ANKFN1: variants seen among roughly 807,000 people sequenced by gnomAD.
ANKFN1 encodes the protein ankyrin repeat and fibronectin type III domain containing 1, also known as ankyrin repeat and fibronectin type-III domain-containing protein 1.
A neutral mutation model predicts 108.7 loss-of-function variants in ANKFN1; 74 were observed. That is an observed-to-expected ratio of 0.68 (90% CI 0.56 to 0.83). ANKFN1 has a LOEUF of 0.83. Among genes scored for constraint, ANKFN1 ranks in the 40% least tolerant of loss-of-function variants. ANKFN1 has a pLI of 0.00. For synonymous variants in ANKFN1, 547 were observed against 516.2 expected, an observed-to-expected ratio of 1.06 and a Z score of -0.81; for missense variants, 1,505 against 1,382.3, an observed-to-expected ratio of 1.09 and a Z score of -1.41.
intron 4 of ANKFN1, among the ~76,000 whole-genome samples, chr17:56,074,680 GCTC>G (rs1905160938): frequency 6.6e-6 from 1 of 152,182 alleles, no homozygotes; most frequent in African/African-American, 2.4e-5. Flanking sequence ...TGTTCCATCA[GCTC>G]CTATTTCTTC....
chr17:56,399,904 T>TTA (rs1173145416), intron 8 of ANKFN1, among the ~76,000 whole-genome samples: 53 of 146,790 alleles, frequency 3.6e-4, no homozygotes, highest in South Asian at 1.3e-3. Flanking sequence ...GTATTCCATT[T>TTA]TATATATATA....
intron 15 of ANKFN1, among the ~76,000 whole-genome samples, chr17:56,474,272 C>T (rs941635763): frequency 1.3e-5 from 2 of 152,186 alleles, no homozygotes; most frequent in Admixed American, 1.3e-4. Context: ...CCCAGATATT[C>T]AGCTTGTTAA....
chr17:56,243,153 C>T (rs1917712826), intron 3 of ANKFN1, among the ~76,000 whole-genome samples: 1 of 151,942 alleles, frequency 6.6e-6, no homozygotes, highest in Non-Finnish European at 1.5e-5. Flanking sequence ...TTCTTTTTTA[C>T]ACTTATTTAG....
chr17:56,234,467 C>T (rs555950547), intron 3 of ANKFN1, among the ~76,000 whole-genome samples: 1 of 151,752 alleles, frequency 6.6e-6, no homozygotes, highest in East Asian at 1.9e-4. Flanking sequence ...AGACTAGTAC[C>T]CAATAGTTAT....
intron 4 of ANKFN1, among the ~76,000 whole-genome samples, chr17:56,105,717 G>C (rs963532563): frequency 2.7e-5 from 4 of 147,384 alleles, no homozygotes; most frequent in African/African-American, 7.9e-5. Flanking sequence ...TTGTCTGTGT[G>C]TGTGTGTGTG....
chr17:56,170,774 T>TATATATATATATATATA (rs1555604530), intron 1 of ANKFN1, among the ~76,000 whole-genome samples: 2 of 68,108 alleles, frequency 2.9e-5, no homozygotes, highest in African/African-American at 8.1e-5. Context: ...AAAAAATTTT[T>TATATATATATATATATA]TATATATATA....
intron 4 of ANKFN1, among the ~76,000 whole-genome samples, chr17:56,064,600 A>G (rs1020451663): frequency 9.2e-5 from 14 of 152,216 alleles, no homozygotes; most frequent in Admixed American, 2.0e-4. Flanking sequence ...GGGGAAAAGC[A>G]CAGCCTGGAG....
At chr17:56,235,126 T>C (rs1410466416) in intron 3 of ANKFN1, among the ~76,000 whole-genome samples, 1 of 152,234 alleles carries the variant, frequency 6.6e-6, no homozygotes, top group African/African-American at 2.4e-5. Context: ...TTTTTTCATA[T>C]GCCTGTCAGC....
intron 8 of ANKFN1, among the ~76,000 whole-genome samples, chr17:56,383,080 T>G (rs1449529481): frequency 3.3e-5 from 5 of 152,148 alleles, no homozygotes; most frequent in Non-Finnish European, 7.4e-5. Context: ...TAGTTGGAAG[T>G]AAAGCCCTCA....
chr17:56,052,236 T>A (rs1904791045), intron 4 of ANKFN1, among the ~76,000 whole-genome samples: 1 of 151,672 alleles, frequency 6.6e-6, no homozygotes, highest in Non-Finnish European at 1.5e-5. Context: ...AGATAAATGA[T>A]TTTTTTTAGA....
At chr17:56,252,309 G>T (rs185064739) in intron 3 of ANKFN1, 1 of 152,272 alleles carries the variant, frequency 6.6e-6, no homozygotes, top group East Asian at 1.9e-4. Context: ...AGAATTCTTG[G>T]TAATATGCTC....
intron 4 of ANKFN1, among the ~76,000 whole-genome samples, chr17:56,074,141 T>G (rs2143145865): frequency 6.6e-6 from 1 of 152,312 alleles, no homozygotes; most frequent in East Asian, 1.9e-4. Flanking sequence ...ATTCTCTTCT[T>G]CAGTTTTTCC....
In ANKFN1 at chr17:56,493,476, T is replaced by C. The variant is rs79966557; in HGVS notation, c.2427+1123T>C. Among the ~76,000 whole-genome samples, 272 of 152,150 alleles carry C rather than the reference T, an allele frequency of 1.8e-3. 1 individual carries two copies. Among genetic ancestry groups the C allele is most frequent in the Non-Finnish European group, 3.5e-3 (238 of 67,976 alleles). On this transcript the variant is annotated intron_variant, in intron 19 of 20. Transcript: ENST00000682825. Reference sequence around the variant, plus strand: ...GAGCAGAAAAATAGTATTTGGGGAATGATAAATAGTCAAGATTGGTTGGGG... The same window carrying C: ...GAGCAGAAAAATAGTATTTGGGGAACGATAAATAGTCAAGATTGGTTGGGG...
chr17:56,217,242 C>A (rs554613987), intron 2 of ANKFN1, among the ~76,000 whole-genome samples: 1 of 152,182 alleles, frequency 6.6e-6, no homozygotes, highest in African/African-American at 2.4e-5. Context: ...ACAAACTCCC[C>A]CTAGCTGACT....
intron 4 of ANKFN1, among the ~76,000 whole-genome samples, chr17:56,138,782 A>T (rs1035069204): frequency 6.6e-6 from 1 of 152,112 alleles, no homozygotes; most frequent in African/African-American, 2.4e-5. Flanking sequence ...AAGTGCTAGG[A>T]TTATAAGTGT....
intron 7 of ANKFN1, among the ~76,000 whole-genome samples, chr17:56,373,117 C>T (rs2046855393): frequency 6.6e-6 from 1 of 152,204 alleles, no homozygotes; most frequent in African/African-American, 2.4e-5. Context: ...ATCCGCTACG[C>T]CCTAATGCCT....
At chr17:56,469,480 G>C (rs1598668562) in intron 15 of ANKFN1, among the ~76,000 whole-genome samples, 1 of 152,204 alleles carries the variant, frequency 6.6e-6, no homozygotes, top group African/African-American at 2.4e-5. Context: ...AGGGGTGGTG[G>C]AGTGATGACC....
chr17:56,281,191 T>A (rs1462083004), intron 3 of ANKFN1, among the ~76,000 whole-genome samples: 1 of 150,536 alleles, frequency 6.6e-6, no homozygotes, highest in African/African-American at 2.4e-5. Flanking sequence ...TCCAGATATA[T>A]AGTATTAGTG....
chr17:56,356,862 T>A (rs141092223), intron 6 of ANKFN1, among the ~76,000 whole-genome samples: 4 of 152,272 alleles, frequency 2.6e-5, no homozygotes, highest in Admixed American at 6.5e-5. Context: ...ATGGCCATCC[T>A]GCACTGGGCT....
Sources: gnomAD v4.1 joint callset for allele counts (sites outside exome capture counted in the v4.1 genomes callset) on GRCh38, gnomAD v4.1.1 for gene constraint, MANE v1.5 for transcripts, NCBI Gene and HGNC (gene_info 2026-07-23, HGNC 2026-07-21) for gene names.